Variants in ARFIP1 observed in about 807,000 individuals in gnomAD.
The protein encoded by ARFIP1 is ARF interacting protein 1.
A neutral mutation model predicts 42.5 loss-of-function variants in ARFIP1; 24 were observed. The ratio of observed to expected loss-of-function variants is 0.57; its 90% CI spans 0.41 to 0.80. The LOEUF is 0.80. Among genes scored for constraint, ARFIP1 ranks in the 30% least tolerant of loss-of-function variants. The probability of loss-of-function intolerance (pLI) is 0.00; values close to 1 mark genes in which losing one functional copy is unlikely to be tolerated. For synonymous variants in ARFIP1, 141 were observed against 153.7 expected, an observed-to-expected ratio of 0.92 and a Z score of 0.61; for missense variants, 354 against 434.0, an observed-to-expected ratio of 0.82 and a Z score of 1.64.
chr4:152,859,987 AAATC>A (rs1375840773), intron 2 of ARFIP1, among the ~76,000 whole-genome samples: 10 of 151,974 alleles, frequency 6.6e-5, no homozygotes, highest in Non-Finnish European at 1.3e-4. Flanking sequence ...CAAAAAATAA[AAATC>A]ACTCATCCTA....
chr4:152,909,635 A>G (rs1203562703), intron 8 of ARFIP1, among the ~76,000 whole-genome samples: 1 of 152,226 alleles, frequency 6.6e-6, no homozygotes, highest in East Asian at 1.9e-4. Flanking sequence ...ATTTAAAAGT[A>G]TCCAGCCTAC....
At chr4:152,783,834 GGTGTGTGTGTGT>G (rs748960689) in intron 1 of ARFIP1, among the ~76,000 whole-genome samples, 2 of 149,858 alleles carry the variant, frequency 1.3e-5, no homozygotes, top group Non-Finnish European at 3.0e-5. Flanking sequence ...ATAAGTCTCT[GGTGTGTGTGTGT>G]GTGTGTGTTA....
At chr4:152,895,299 A>G (rs1052584143) in intron 8 of ARFIP1, among the ~76,000 whole-genome samples, 4 of 152,172 alleles carry the variant, frequency 2.6e-5, no homozygotes, top group African/African-American at 7.2e-5. Context: ...AATATAGGTA[A>G]AACAGTAACA....
intron 5 of ARFIP1, among the ~76,000 whole-genome samples, chr4:152,878,404 G>A (rs1735543777): frequency 6.6e-6 from 1 of 152,136 alleles, no homozygotes; most frequent in African/African-American, 2.4e-5. Flanking sequence ...ATCCACTGTA[G>A]AGATCATCTA....
intron 1 of ARFIP1, among the ~76,000 whole-genome samples, chr4:152,808,647 G>T (rs1164009288): frequency 6.6e-6 from 1 of 152,010 alleles, no homozygotes; most frequent in African/African-American, 2.4e-5. Flanking sequence ...CTACTACTTG[G>T]TTTTGTCAGT....
chr4:152,788,669 A>G (rs1730957066), intron 1 of ARFIP1, among the ~76,000 whole-genome samples: 1 of 152,224 alleles, frequency 6.6e-6, no homozygotes. Context: ...TGACAGAGCG[A>G]GACTCCATCT....
chr4:152,838,648 T>C (rs1174172920), intron 2 of ARFIP1, among the ~76,000 whole-genome samples: 2 of 152,210 alleles, frequency 1.3e-5, no homozygotes, highest in Non-Finnish European at 2.9e-5. Context: ...GAAACTTTGC[T>C]GAATCCTTTG....
chr4:152,789,108 T>TTTTTTTTTTTTTG (rs1561096806), intron 1 of ARFIP1, among the ~76,000 whole-genome samples: 1 of 133,620 alleles, frequency 7.5e-6, no homozygotes, highest in African/African-American at 3.1e-5. Flanking sequence ...TTTTTTTTTT[T>TTTTTTTTTTTTTG]GAGGTAGAGT....
chr4:152,802,314 C>T (rs578099556), intron 1 of ARFIP1, among the ~76,000 whole-genome samples: 3 of 152,046 alleles, frequency 2.0e-5, no homozygotes, highest in Admixed American at 6.6e-5. Context: ...ATTGAATTAG[C>T]TTTGTGTCTT....
chr4:152,795,156 C>T (rs1421244203), intron 1 of ARFIP1, among the ~76,000 whole-genome samples: 2 of 149,448 alleles, frequency 1.3e-5, no homozygotes, highest in Admixed American at 6.6e-5. Flanking sequence ...TTTATCCTTC[C>T]GGTGTTTTTG....
intron 6 of ARFIP1, 60 bp from the exon 7 acceptor site, chr4:152,882,663 T>TAA: frequency 6.6e-7 from 1 of 1,518,806 alleles, no homozygotes; most frequent in Non-Finnish European, 9.0e-7. Flanking sequence ...GTGCTTGAGA[T>TAA]TTTTAAGTCA....
intron 5 of ARFIP1, among the ~76,000 whole-genome samples, chr4:152,875,335 CCTAGT>C (rs576243260): frequency 4.4e-4 from 61 of 140,012 alleles, no homozygotes; most frequent in Middle Eastern, 4.0e-3. Context: ...TTTATTTTTT[CCTAGT>C]CTAAAGTAGA....
intron 5 of ARFIP1, among the ~76,000 whole-genome samples, chr4:152,876,584 C>T (rs1384547954): frequency 6.6e-6 from 1 of 152,194 alleles, no homozygotes; most frequent in Non-Finnish European, 1.5e-5. Context: ...AAAGAAAAAC[C>T]CATTTTGGGG....
intron 1 of ARFIP1, among the ~76,000 whole-genome samples, chr4:152,814,301 C>T (rs1729706312): frequency 1.3e-5 from 2 of 152,008 alleles, no homozygotes; most frequent in Admixed American, 1.3e-4. Flanking sequence ...GTCGTATTGC[C>T]CAGGCTGGAC....
At chr4:152,905,801 C>T (rs930934873) in intron 8 of ARFIP1, among the ~76,000 whole-genome samples, 4 of 151,948 alleles carry the variant, frequency 2.6e-5, no homozygotes, top group Admixed American at 6.6e-5. Context: ...GATCCACCCA[C>T]CTCAGCCTCC....
At chr4:152,820,594 A>G (rs1730291730) in intron 1 of ARFIP1, among the ~76,000 whole-genome samples, 1 of 152,146 alleles carries the variant, frequency 6.6e-6, no homozygotes, top group South Asian at 2.1e-4. Flanking sequence ...CACATCCTAT[A>G]TGGCTGGAGC....
intron 1 of ARFIP1, among the ~76,000 whole-genome samples, chr4:152,809,017 A>T (rs1242056524): frequency 6.6e-6 from 1 of 152,200 alleles, no homozygotes; most frequent in East Asian, 1.9e-4. Flanking sequence ...GCACCACTGC[A>T]TTCCAGCCTG....
At chr4:152,870,304 A>G (rs1014673242) in intron 3 of ARFIP1, among the ~76,000 whole-genome samples, 3 of 152,206 alleles carry the variant, frequency 2.0e-5, no homozygotes, top group African/African-American at 7.2e-5. Flanking sequence ...TTCTTATAAG[A>G]GATATGAGAG....
chr4:152,890,636 T>C (rs1417175002), intron 8 of ARFIP1, among the ~76,000 whole-genome samples: 2 of 152,126 alleles, frequency 1.3e-5, no homozygotes, highest in African/African-American at 4.8e-5. Context: ...AATGGGAAGC[T>C]GGTGTGGCCT....
Sources: gnomAD v4.1 joint callset for allele counts (sites outside exome capture counted in the v4.1 genomes callset) on GRCh38, gnomAD v4.1.1 for gene constraint, MANE v1.5 for transcripts, NCBI Gene and HGNC (gene_info 2026-07-23, HGNC 2026-07-21) for gene names.